CTDSPL2: variants seen among roughly 807,000 people sequenced by gnomAD.
CTDSPL2 encodes CTD small phosphatase-like protein 2.
CTDSPL2 carries 5 observed loss-of-function variants against 60.0 expected under a neutral mutation model. The ratio of observed to expected loss-of-function variants is 0.08; its 90% CI spans 0.04 to 0.18. CTDSPL2 has a LOEUF of 0.18. Ranked by LOEUF, CTDSPL2 falls within the 10% of genes least tolerant of loss-of-function variation. The pLI, the probability that CTDSPL2 is intolerant of heterozygous loss-of-function variation, is 1.00. For synonymous variants in CTDSPL2, 186 were observed against 189.3 expected, an observed-to-expected ratio of 0.98 and a Z score of 0.14; for missense variants, 370 against 548.8, an observed-to-expected ratio of 0.67 and a Z score of 3.26.
intron 8 of CTDSPL2, among the ~76,000 whole-genome samples, chr15:44,504,540 G>A (rs945832032): frequency 3.3e-5 from 5 of 151,958 alleles, no homozygotes; most frequent in African/African-American, 1.2e-4. Context: ...TAACCAACAT[G>A]CACATTGTTC....
chr15:44,461,461 T>A (rs143658295), intron 2 of CTDSPL2, among the ~76,000 whole-genome samples: 1 of 151,962 alleles, frequency 6.6e-6, no homozygotes, highest in African/African-American at 2.4e-5. Context: ...CTATCATAGC[T>A]CACTGCAGCC....
At chr15:44,455,961 C>T (rs2080429910) in intron 1 of CTDSPL2, among the ~76,000 whole-genome samples, 2 of 146,980 alleles carry the variant, frequency 1.4e-5, no homozygotes, top group Non-Finnish European at 3.0e-5. Flanking sequence ...CGCCATTCTC[C>T]TGCCTCAGCC....
rs2081903856 is a variant in CTDSPL2, at chr15:44,528,473, A to T, written c.*4299A>T. On this transcript the variant is annotated 3_prime_UTR_variant, in exon 13 of 13. Transcript: ENST00000260327. ...GACACTGGTTTGAGAGTAGGCAACA[A>T]AATTAAAGTTCACCAGACATCTCTT... The T allele has an allele frequency of 6.6e-6, 1 of 151,916 alleles. No homozygotes were observed. Among genetic ancestry groups the T allele is most frequent in the South Asian group, 2.1e-4 (1 of 4,824 alleles). The allele number at this position is 151,916 out of a possible 1,614,324, so 9.4% of individuals were successfully genotyped here.
In CTDSPL2 at chr15:44,528,682, T is replaced by C. The variant is rs1159195264; in HGVS notation, c.*4508T>C. 1 of 152,134 alleles carries C rather than the reference T, an allele frequency of 6.6e-6. No individual in the cohort carries two copies. The highest frequency in any genetic ancestry group is 1.5e-5 in the Non-Finnish European group (1 of 68,018). The allele number at this position is 152,134 out of a possible 1,614,324, so 9.4% of individuals were successfully genotyped here. On this transcript the variant is annotated 3_prime_UTR_variant, in exon 13 of 13. Coordinates refer to ENST00000260327, the MANE Select transcript of CTDSPL2 (RefSeq NM_016396.3). ...ACCATATACATAGCTAAAGGACATG[T>C]CCCTGAATGAGACCATTATATATAT...
Position 44,525,323 on chromosome 15 carries a change from G to A in CTDSPL2, c.*1149G>A. The stretch of plus-strand genomic sequence containing the variant: ...CCAATGCAGTTAATATGCTCTCATA[G>A]TGGTTTTTCTATGCTATATGAAAAT... On this transcript the variant is annotated 3_prime_UTR_variant, in exon 13 of 13. Transcript: ENST00000260327. 1 of 398,524 alleles carries A rather than the reference G, an allele frequency of 2.5e-6. No individual in the cohort carries two copies. Among genetic ancestry groups the A allele is most frequent in the Non-Finnish European group, 4.4e-6 (1 of 225,662 alleles). 24.7% of individuals were successfully genotyped at this position (398,524 alleles called of 1,614,324 possible).
In CTDSPL2 at chr15:44,504,877, ACAATAATT is replaced by A. The variant is rs548255788; in HGVS notation, c.969+5073_969+5080del. Among the ~76,000 whole-genome samples, 323 of 152,332 alleles carry A rather than the reference ACAATAATT, an allele frequency of 2.1e-3. 1 individual carries two copies. Among genetic ancestry groups the A allele is most frequent in the African/African-American group, 7.4e-3 (309 of 41,578 alleles). ...AAACTAATATTTTAGCTTGTAGGGAACAATAATTCAATAATTAATTGTAGATGAATATT... is the reference window on the plus strand; with the variant it reads ...AAACTAATATTTTAGCTTGTAGGGAACAATAATTAATTGTAGATGAATATT... On this transcript the variant is annotated intron_variant, in intron 8 of 12. Coordinates refer to ENST00000260327, the MANE Select transcript of CTDSPL2 (RefSeq NM_016396.3).
intron 1 of CTDSPL2, among the ~76,000 whole-genome samples, chr15:44,451,393 A>C (rs980087830): frequency 6.6e-6 from 1 of 152,146 alleles, no homozygotes; most frequent in African/African-American, 2.4e-5. Context: ...TACAGGTGTG[A>C]GCCACCACGC....
chr15:44,443,075 A>T lies in CTDSPL2; in HGVS notation c.-25+15303A>T, dbSNP rs540859644. On this transcript the variant is annotated intron_variant, in intron 1 of 12. Coordinates refer to ENST00000260327, the MANE Select transcript of CTDSPL2 (RefSeq NM_016396.3). Reference sequence around the variant, plus strand: ...GATGAAGATCTATAGTTTTGTTAAAAACTGTGTTAAACCATTTTAACCATT... The same window carrying T: ...GATGAAGATCTATAGTTTTGTTAAATACTGTGTTAAACCATTTTAACCATT... Among the ~76,000 whole-genome samples, 3 of 152,330 alleles carry T rather than the reference A, an allele frequency of 2.0e-5. No homozygotes were observed. The South Asian group carries it at 6.2e-4, about 32-fold the overall frequency.
In CTDSPL2 at chr15:44,462,829, C is replaced by G. The variant is rs146610005; in HGVS notation, c.186+3629C>G. On this transcript the variant is annotated intron_variant, in intron 2 of 12. Coordinates refer to ENST00000260327, the MANE Select transcript of CTDSPL2 (RefSeq NM_016396.3). ...TCAAGCGATCCTTTTCCTCAGCATC[C>G]CAAGTAGCTGGAACTATAGGTGTGT... is the stretch of plus-strand genomic sequence containing the variant. Among the ~76,000 whole-genome samples the G allele has an allele frequency of 3.0e-3, 450 of 150,946 alleles. 4 individuals are homozygous for G. The highest frequency in any genetic ancestry group is 5.1e-3 in the Non-Finnish European group (348 of 67,758).
chr15:44,518,155 CA>C (rs1350842557), intron 10 of CTDSPL2, among the ~76,000 whole-genome samples: 1 of 152,042 alleles, frequency 6.6e-6, no homozygotes, highest in East Asian at 1.9e-4. Context: ...CTTGAAATTG[CA>C]TAATTTAAAA....
intron 2 of CTDSPL2, among the ~76,000 whole-genome samples, chr15:44,465,866 A>G (rs1467421573): frequency 6.6e-6 from 1 of 151,214 alleles, no homozygotes; most frequent in Non-Finnish European, 1.5e-5. Context: ...GGCATGTGCC[A>G]CCATGCCTGG....
chr15:44,501,994 A>G (rs2081388676), intron 8 of CTDSPL2: 1 of 455,514 alleles, frequency 2.2e-6, no homozygotes, highest in Non-Finnish European at 4.4e-6. Flanking sequence ...CAAAGAAGAA[A>G]TATACACAAG....
rs773429632 is a variant in CTDSPL2 at position 44,527,025 on chromosome 15, A to G, written c.*2851A>G. Reference sequence around the variant, plus strand: ...TTTTTTAATTCCATGTAATATATGTAGCCCTCATCAGATTTATATCACCAT... The same window carrying G: ...TTTTTTAATTCCATGTAATATATGTGGCCCTCATCAGATTTATATCACCAT... On this transcript the variant is annotated 3_prime_UTR_variant, in exon 13 of 13. Transcript: ENST00000260327. The G allele has an allele frequency of 6.6e-6, 1 of 152,598 alleles. No homozygotes were observed. The highest frequency in any genetic ancestry group is 1.5e-5 in the Non-Finnish European group (1 of 68,006). 9.5% of individuals were successfully genotyped at this position (152,598 alleles called of 1,614,324 possible).
At chr15:44,516,316 G>GA (rs1389274980) in intron 10 of CTDSPL2, among the ~76,000 whole-genome samples, 5 of 152,128 alleles carry the variant, frequency 3.3e-5, no homozygotes, top group Admixed American at 3.3e-4. Context: ...TGTCTTACTG[G>GA]AAAATCCTAA....
intron 1 of CTDSPL2, among the ~76,000 whole-genome samples, chr15:44,457,768 C>T (rs143618423): frequency 6.6e-6 from 1 of 152,074 alleles, no homozygotes; most frequent in African/African-American, 2.4e-5. Context: ...CCTGCCACCA[C>T]GCCCACCTAA....
At chr15:44,521,170 A>C in intron 11 of CTDSPL2, 141 bp from the exon 12 acceptor site, 1 of 466,086 alleles carries the variant, frequency 2.1e-6, no homozygotes, top group Non-Finnish European at 3.6e-6. Context: ...TGAGTTGTCA[A>C]AGAAAAGTCT....
intron 8 of CTDSPL2, among the ~76,000 whole-genome samples, chr15:44,501,798 G>A (rs781147847): frequency 3.3e-5 from 5 of 152,102 alleles, no homozygotes; most frequent in Non-Finnish European, 4.4e-5. Flanking sequence ...AATTTTTGAG[G>A]ATATCCGTAG....
At chr15:44,503,015 G>A (rs934327815) in intron 8 of CTDSPL2, among the ~76,000 whole-genome samples, 4 of 151,400 alleles carry the variant, frequency 2.6e-5, no homozygotes, top group Non-Finnish European at 5.9e-5. Flanking sequence ...ATTTCTCTAG[G>A]GGATTAAAAA....
At chr15:44,458,322 T>G (rs1350239131) in intron 1 of CTDSPL2, among the ~76,000 whole-genome samples, 2 of 152,212 alleles carry the variant, frequency 1.3e-5, no homozygotes, top group Non-Finnish European at 2.9e-5. Context: ...GTTGGGACAG[T>G]TTTGCCAGCA....
Sources: gnomAD v4.1 joint callset for allele counts (sites outside exome capture counted in the v4.1 genomes callset) on GRCh38, gnomAD v4.1.1 for gene constraint, MANE v1.5 for transcripts, NCBI Gene and HGNC (gene_info 2026-07-23, HGNC 2026-07-21) for gene names.